TNKS: variants seen among roughly 807,000 people sequenced by gnomAD.
The protein encoded by TNKS is poly [ADP-ribose] polymerase tankyrase-1.
In TNKS, 72 loss-of-function variants were observed where a neutral mutation model predicts 135.8. The observed-to-expected ratio is 0.53, with a 90% CI of 0.44 to 0.64. TNKS has a LOEUF of 0.64. Ranked by LOEUF, TNKS falls within the 30% of genes least tolerant of loss-of-function variation. The pLI is 0.00. For synonymous variants in TNKS, 849 were observed against 649.3 expected, an observed-to-expected ratio of 1.31 and a Z score of -4.68; for missense variants, 1,769 against 1,674.0, an observed-to-expected ratio of 1.06 and a Z score of -0.99.
rs1458808444 is a variant in TNKS, at chr8:9,570,383, GA to G, written c.674-9773del. On this transcript the variant is annotated intron_variant, in intron 1 of 26. Coordinates refer to ENST00000310430, the MANE Select transcript of TNKS (RefSeq NM_003747.3). Reference sequence around the variant, plus strand: ...AAAAAAGATCCCTGAGCCAATGAATGAAACATAATGTCCTGGGGGCTAAAAT... The same window carrying G: ...AAAAAAGATCCCTGAGCCAATGAATGAACATAATGTCCTGGGGGCTAAAAT... 1.1e-4 allele frequency among the ~76,000 whole-genome samples: 17 copies of G among 149,652 alleles called. No individual in the cohort carries two copies. The Admixed American group carries it at 1.2e-3, about 10-fold the overall frequency.
chr8:9,700,507 T>C (rs1803743725), intron 5 of TNKS, among the ~76,000 whole-genome samples: 1 of 152,178 alleles, frequency 6.6e-6, no homozygotes, highest in Non-Finnish European at 1.5e-5. Context: ...TGTAAGTCTC[T>C]CTCTCTGACA....
chr8:9,741,613 A>C, intron 17 of TNKS: 1 of 441,540 alleles, frequency 2.3e-6, no homozygotes, highest in Non-Finnish European at 5.0e-6. Context: ...ACAGAGGATA[A>C]AGGAAAGTTA....
At chr8:9,717,072 A>ATATATATATATATTTATATATATATATAT (rs376229840) in intron 11 of TNKS, among the ~76,000 whole-genome samples, 2 of 79,454 alleles carry the variant, frequency 2.5e-5, no homozygotes, top group Non-Finnish European at 5.0e-5. Context: ...GTTGTATTAT[A>ATATATATATATATTTATATATATATATAT]ATATATATAT....
At chr8:9,673,539 G>A (rs781452935) in intron 3 of TNKS, among the ~76,000 whole-genome samples, 1 of 149,334 alleles carries the variant, frequency 6.7e-6, no homozygotes, top group Admixed American at 6.8e-5. Flanking sequence ...CTGCCTCCCA[G>A]GTTTAAGAAA....
intron 3 of TNKS, among the ~76,000 whole-genome samples, chr8:9,634,265 A>G (rs1251871937): frequency 6.6e-6 from 1 of 152,184 alleles, no homozygotes; most frequent in Admixed American, 6.5e-5. Flanking sequence ...AATGTGCTAC[A>G]TATTAAAAAA....
chr8:9,656,572 T>G (rs549720445), intron 3 of TNKS, among the ~76,000 whole-genome samples: 2 of 150,464 alleles, frequency 1.3e-5, no homozygotes, highest in Non-Finnish European at 3.0e-5. Context: ...CAGAAGAGAG[T>G]GGGGGCCAAT....
At chr8:9,671,928 A>G (rs1194864221) in intron 3 of TNKS, among the ~76,000 whole-genome samples, 1 of 152,202 alleles carries the variant, frequency 6.6e-6, no homozygotes, top group African/African-American at 2.4e-5. Context: ...GAGTATGGTG[A>G]TGAAATCTCA....
At chr8:9,609,605 T>C (rs1203953421) in intron 2 of TNKS, among the ~76,000 whole-genome samples, 1 of 152,236 alleles carries the variant, frequency 6.6e-6, no homozygotes, top group Non-Finnish European at 1.5e-5. Flanking sequence ...ACGTTTACCC[T>C]CTAGATTTCC....
chr8:9,714,963 G>T (rs1429201350), intron 11 of TNKS, among the ~76,000 whole-genome samples: 1 of 152,166 alleles, frequency 6.6e-6, no homozygotes, highest in Non-Finnish European at 1.5e-5. Flanking sequence ...AGCAAGTACG[G>T]TCCCTGGTAG....
At chr8:9,735,566 C>T (rs1241732822) in intron 17 of TNKS, 80 bp downstream of exon 17, 23 of 1,087,884 alleles carry the variant, frequency 2.1e-5, no homozygotes, top group Non-Finnish European at 2.8e-5. Context: ...TTTAGGAGGC[C>T]GAGGAAGGTA....
intron 25 of TNKS, among the ~76,000 whole-genome samples, chr8:9,768,406 G>C (rs952301315): frequency 6.6e-6 from 1 of 152,216 alleles, no homozygotes; most frequent in African/African-American, 2.4e-5. Flanking sequence ...TAGTATATCA[G>C]TGAGAGAAAG....
intron 3 of TNKS, among the ~76,000 whole-genome samples, chr8:9,660,585 C>G (rs940836175): frequency 6.6e-6 from 1 of 152,166 alleles, no homozygotes; most frequent in Non-Finnish European, 1.5e-5. Flanking sequence ...TGGGACGTAT[C>G]TCAAAATAAT....
chr8:9,760,675 G>A (rs1807104964), intron 20 of TNKS, among the ~76,000 whole-genome samples: 1 of 152,180 alleles, frequency 6.6e-6, no homozygotes, highest in South Asian at 2.1e-4. Context: ...CGTTCATCCT[G>A]TGTGTTCAGA....
intron 3 of TNKS, among the ~76,000 whole-genome samples, chr8:9,677,698 C>G (rs1475867778): frequency 6.6e-6 from 1 of 152,096 alleles, no homozygotes; most frequent in Non-Finnish European, 1.5e-5. Context: ...TTGCACTACC[C>G]TTGTTAAAAT....
At chr8:9,627,171 T>C (rs537065378) in intron 3 of TNKS, among the ~76,000 whole-genome samples, 6 of 152,348 alleles carry the variant, frequency 3.9e-5, no homozygotes, top group African/African-American at 1.4e-4. Flanking sequence ...TGGAGGTTCC[T>C]GGCAGCTGGT....
intron 3 of TNKS, among the ~76,000 whole-genome samples, chr8:9,654,681 A>G (rs745428203): frequency 5.3e-5 from 8 of 152,198 alleles, no homozygotes; most frequent in East Asian, 3.8e-4. Context: ...GATTTCATGT[A>G]TCTTAGAATT....
At chr8:9,673,707 C>T (rs1230285315) in intron 3 of TNKS, among the ~76,000 whole-genome samples, 5 of 152,056 alleles carry the variant, frequency 3.3e-5, no homozygotes, top group Non-Finnish European at 4.4e-5. Context: ...GCCTCCAAGG[C>T]GCTGGGATTA....
rs139425161 is a variant in TNKS at position 9,711,227 on chromosome 8, T to A, written c.1749+1007T>A. Reference sequence around the variant, plus strand: ...TATTTAAGAATAAGGAAATTCAGATTTACCAATATTGAATACAAAGATGAT... The same window carrying A: ...TATTTAAGAATAAGGAAATTCAGATATACCAATATTGAATACAAAGATGAT... On this transcript the variant is annotated intron_variant, in intron 11 of 26. Transcript: ENST00000310430. Among the ~76,000 whole-genome samples the A allele has an allele frequency of 1.9e-4, 29 of 152,258 alleles. No individual in the cohort carries two copies. The East Asian group carries it at 5.2e-3, about 27-fold the overall frequency.
At chr8:9,587,305 G>A (rs1177250857) in intron 2 of TNKS, among the ~76,000 whole-genome samples, 1 of 152,008 alleles carries the variant, frequency 6.6e-6, no homozygotes, top group East Asian at 1.9e-4. Flanking sequence ...CCTAAACTAA[G>A]GAATGGGGGT....
Sources: allele counts gnomAD v4.1 joint callset (sites outside exome capture counted in the v4.1 genomes callset), GRCh38; gene constraint gnomAD v4.1.1; transcripts MANE v1.5; gene names NCBI Gene and HGNC (gene_info 2026-07-23, HGNC 2026-07-21).